The following GFUS variants were observed in gnomAD, a reference collection of about 807,000 sequenced individuals.
GFUS encodes GDP-L-fucose synthase, also known as 3-5 epimerase/4-reductase.
In GFUS, 42 loss-of-function variants were observed where a neutral mutation model predicts 41.5. The ratio of observed to expected loss-of-function variants is 1.01; its 90% confidence interval spans 0.79 to 1.31. The LOEUF (loss-of-function observed/expected upper bound fraction) is 1.31. Ranked by LOEUF, GFUS falls within the 50% of genes most tolerant of loss-of-function variation. GFUS has a pLI of 0.00. For missense variants in GFUS, 437 were observed against 428.7 expected, an observed-to-expected ratio of 1.02 and a Z score of -0.17; for synonymous variants, 188 against 173.4, an observed-to-expected ratio of 1.08 and a Z score of -0.66.
chr8:143,613,760 T>A lies in GFUS; in HGVS notation c.721A>T (p.Ile241Phe), dbSNP rs888855876. Residue 241 changes from isoleucine to phenylalanine, a missense_variant, in exon 8 of 11, where the codon ATC becomes TTC. By Grantham distance (21) the Ile-to-Phe change is conservative (BLOSUM62 0). Coordinates refer to ENST00000425753, the MANE Select transcript of GFUS (RefSeq NM_003313.4). The stretch of plus-strand genomic sequence containing the variant: ...GGGCTGAGGTACCCACCGGAGAGGA[T>A]GATGGGCTCCACTTCATTGTACTCC... ...LREYNEVEPI[I>F]LSVGEEDEVS... is the part of the protein sequence containing the mutation. 17 of 1,550,788 alleles carry A rather than the reference T, an allele frequency of 1.1e-5. No individual in the cohort carries two copies. The highest frequency in any genetic ancestry group is 1.5e-5 in the Non-Finnish European group (17 of 1,147,000).
At chr8:143,615,733 A>G (rs1291571919) in intron 3 of GFUS, among the ~76,000 whole-genome samples, 1 of 152,158 alleles carries the variant, frequency 6.6e-6, no homozygotes, top group Non-Finnish European at 1.5e-5. Flanking sequence ...GGGCCCGGCT[A>G]AGGGGAGCTG....
In GFUS at chr8:143,614,223, C is replaced by G; in HGVS notation, c.604G>C (p.Gly202Arg). 1 of 1,613,736 alleles carries G rather than the reference C, an allele frequency of 6.2e-7. No homozygotes were observed. The highest frequency in any genetic ancestry group is 8.5e-7 in the Non-Finnish European group (1 of 1,180,024). The change falls in exon 7 of 11, where the codon GGC becomes CGC. Residue 202 changes from glycine (G) to arginine (R), a missense_variant. Gly to Arg is a moderately radical substitution (Grantham distance 125). Transcript: ENST00000425753. Reference sequence around the variant, plus strand: ...GTACCCCACACCGTCAGGGCCGAGCCGCTGCCTGCAGATTTGGGGAAGGAG... The same window carrying G: ...GTACCCCACACCGTCAGGGCCGAGCGGCTGCCTGCAGATTTGGGGAAGGAG... ...IHKVHLAKSS[G>R]SALTVWGTGN...
chr8:143,616,387 G>T, intron 2 of GFUS, 167 bp from the exon 3 acceptor site: 1 of 1,168,426 alleles, frequency 8.6e-7, no homozygotes, highest in Non-Finnish European at 1.3e-6. Context: ...AGAGATGGGA[G>T]GGTGTTTGTT....
chr8:143,614,964 GCC>G, intron 3 of GFUS, 49 bp from the exon 4 acceptor site: 1 of 1,550,860 alleles, frequency 6.4e-7, no homozygotes, highest in Middle Eastern at 1.8e-4. Flanking sequence ...CCAGATCCCA[GCC>G]CTTACCTGCT....
chr8:143,616,835 C>T lies in GFUS; in HGVS notation c.-11-112G>A, dbSNP rs980404199. 4.0e-5 allele frequency: 54 copies of T among 1,336,488 alleles called. No homozygotes were observed. The East Asian group carries it at 1.2e-3, about 30-fold the overall frequency. 82.8% of individuals were successfully genotyped at this position (1,336,488 alleles called of 1,614,324 possible). A position where few individuals can be genotyped will look rare whatever the true frequency, so the allele number is the denominator to read the frequency against. On this transcript the variant is annotated intron_variant, in intron 1 of 10. Coordinates refer to ENST00000425753, the MANE Select transcript of GFUS (RefSeq NM_003313.4). ...GGCCCTCAGAGTGGGGCATAGTCCA[C>T]TGGCAACCAGAAAGACCCAGCTGGA...
At position 143,614,320 on chromosome 8, in the gene GFUS, T is replaced by C. The variant is rs757392787; in HGVS notation, c.598A>G (p.Ser200Gly). The C allele has an allele frequency of 2.5e-6, 4 of 1,613,550 alleles. No individual in the cohort carries two copies. Among genetic ancestry groups the C allele is most frequent in the Non-Finnish European group, 3.4e-6 (4 of 1,179,798 alleles). ...GLIHKVHLAK[S>G]SGSALTVWGT... ...CACCCCATCGGACGGACGCACTCAC[T>C]CTTGGCCAGGTGCACCTTGTGGATG... Residue 200 changes from serine to glycine, a missense_variant and splice_region_variant, in exon 6 of 11, where the codon AGC becomes GGC. By Grantham distance (56) the Ser-to-Gly change is moderately conservative. Transcript: ENST00000425753.
At position 143,614,466 on chromosome 8, in the gene GFUS, A is replaced by G. The variant is rs1444113482; in HGVS notation, c.465-13T>C. 3 of 1,605,736 alleles carry G rather than the reference A, an allele frequency of 1.9e-6. No individual in the cohort carries two copies. The highest frequency in any genetic ancestry group is 2.6e-6 in the Non-Finnish European group (3 of 1,174,422). On this transcript the variant is annotated splice_polypyrimidine_tract_variant and intron_variant, in intron 5 of 10. Coordinates refer to ENST00000425753, the MANE Select transcript of GFUS (RefSeq NM_003313.4). ...CTGGAAGTAGGCCCTGCGGAGGCACAGCGTCTCCTGCCCTCGTCCTGGGCC... is the reference window on the plus strand; with the variant it reads ...CTGGAAGTAGGCCCTGCGGAGGCACGGCGTCTCCTGCCCTCGTCCTGGGCC...
rs1427374637 is a variant in GFUS at position 143,612,745 on chromosome 8, A to G, written c.*165T>C. ...GGGACCCTGGTTTCCCTGAGGACCA[A>G]CGTGAATGGGGGCCCCACTGGAAAG... is the stretch of plus-strand genomic sequence containing the variant. On this transcript the variant is annotated 3_prime_UTR_variant, in exon 11 of 11. Coordinates refer to ENST00000425753, the MANE Select transcript of GFUS (RefSeq NM_003313.4). 4 of 836,428 alleles carry G rather than the reference A, an allele frequency of 4.8e-6. No individual in the cohort carries two copies. The highest frequency in any genetic ancestry group is 1.7e-5 in the African/African-American group (1 of 58,928). The allele number at this position is 836,428 out of a possible 1,614,324, so 51.8% of individuals were successfully genotyped here. A position where few individuals can be genotyped will look rare whatever the true frequency, so the allele number is the denominator to read the frequency against.
In GFUS at chr8:143,613,735, G is replaced by A; in HGVS notation, c.730+16C>T. 2 of 1,552,600 alleles carry A rather than the reference G, an allele frequency of 1.3e-6. No homozygotes were observed. On this transcript the variant is annotated intron_variant, in intron 8 of 10. Transcript: ENST00000425753. Reference sequence around the variant, plus strand: ...TCCTACCATGGAGGAAGGGGGCTGAGGGCTGAGGTACCCACCGGAGAGGAT... The same window carrying A: ...TCCTACCATGGAGGAAGGGGGCTGAAGGCTGAGGTACCCACCGGAGAGGAT...
Position 143,616,690 on chromosome 8 carries a change from A to G in GFUS, c.23T>C (p.Met8Thr). 3.7e-6 allele frequency: 6 copies of G among 1,613,530 alleles called. No individual in the cohort carries two copies. Among genetic ancestry groups the G allele is most frequent in the Non-Finnish European group, 5.1e-6 (6 of 1,179,950 alleles). Residue 8 changes from methionine to threonine, a missense_variant, in exon 2 of 11, where the codon ATG (methionine) becomes ACG (threonine). Transcript: ENST00000425753. ...AGAGCCCCCTGTCACTAGAATCCGCATGGATCCCTGGGGTTCACCCATGTC... is the reference window on the plus strand; with the variant it reads ...AGAGCCCCCTGTCACTAGAATCCGCGTGGATCCCTGGGGTTCACCCATGTC... The part of the protein sequence containing the change: MGEPQGS[M>T]RILVTGGSGL...
Position 143,612,789 on chromosome 8 carries a change from C to A in GFUS, c.*121G>T. ...TGGAAAGATGCTTGGGGCTGCAGAG[C>A]GGATGGAATGCAGGCCCAGGTTGCT... On this transcript the variant is annotated 3_prime_UTR_variant, in exon 11 of 11. Coordinates refer to ENST00000425753, the MANE Select transcript of GFUS (RefSeq NM_003313.4). 2 of 1,230,654 alleles carry A rather than the reference C, an allele frequency of 1.6e-6. No homozygotes were observed. The highest frequency in any genetic ancestry group is 2.3e-6 in the Non-Finnish European group (2 of 879,448). The allele number at this position is 1,230,654 out of a possible 1,614,324, so 76.2% of individuals were successfully genotyped here.
intron 3 of GFUS, among the ~76,000 whole-genome samples, chr8:143,615,364 G>A (rs766868128): frequency 1.2e-4 from 19 of 152,166 alleles, no homozygotes; most frequent in Non-Finnish European, 2.4e-4. Context: ...GGTCCACCCC[G>A]CGGGCCCCAC....
chr8:143,617,332 C>T, intron 1 of GFUS, 142 bp downstream of exon 1: 1 of 154,490 alleles, frequency 6.5e-6, no homozygotes, highest in Non-Finnish European at 1.4e-5. Flanking sequence ...CCCAAGCACG[C>T]GGGGAGACCT....
chr8:143,614,933 G>C lies in GFUS; in HGVS notation c.262-18C>G. 1 of 1,585,550 alleles carries C rather than the reference G, an allele frequency of 6.3e-7. No individual in the cohort carries two copies. Among genetic ancestry groups the C allele is most frequent in the Non-Finnish European group, 8.6e-7 (1 of 1,163,330 alleles). On this transcript the variant is annotated intron_variant, in intron 3 of 10. Transcript: ENST00000425753. ...TTTTTCCTCTGCAGGGGTGAGGCGG[G>C]GACAGTTCAGGCTCCCCAGGCCAGA...
rs761628537 is a variant in GFUS at position 143,616,596 on chromosome 8, C to T, written c.117G>A (p.Val39=). The change falls in exon 2 of 11, where the codon GTG becomes GTA. Residue 39 remains valine (V), a synonymous_variant. Transcript: ENST00000425753. The part of the protein sequence containing the change: ...DGAGLPGEDW[V]FVSSKDADLT... Reference sequence around the variant, plus strand: ...GATCGGCGTCTTTAGAGGAGACAAACACCCAGTCCTCTCCAGGAAGTCCAG... The same window carrying T: ...GATCGGCGTCTTTAGAGGAGACAAATACCCAGTCCTCTCCAGGAAGTCCAG... 4.3e-6 allele frequency: 7 copies of T among 1,613,876 alleles called. No individual in the cohort carries two copies. Among genetic ancestry groups the T allele is most frequent in the Middle Eastern group, 3.3e-4 (2 of 6,062 alleles).
chr8:143,615,181 A>G (rs998097319), intron 3 of GFUS, among the ~76,000 whole-genome samples: 7 of 152,230 alleles, frequency 4.6e-5, no homozygotes, highest in African/African-American at 1.7e-4. Context: ...CCCACCCAGG[A>G]GGCTGCTGAG....
intron 2 of GFUS, 123 bp downstream of exon 2, chr8:143,616,444 G>C (rs759507959): frequency 7.4e-6 from 11 of 1,487,562 alleles, no homozygotes; most frequent in Non-Finnish European, 1.0e-5. Context: ...CAGCCACCTG[G>C]CAGGAAGGAC....
intron 3 of GFUS, 21 bp from the exon 4 acceptor site, chr8:143,614,936 C>T (rs1188541027): frequency 6.3e-6 from 10 of 1,584,458 alleles, no homozygotes; most frequent in Non-Finnish European, 8.6e-6. Flanking sequence ...GAGGCGGGGA[C>T]AGTTCAGGCT....
At chr8:143,615,939 T>TGACTG in intron 3 of GFUS, 167 bp downstream of exon 3, 1 of 594,960 alleles carries the variant, frequency 1.7e-6, no homozygotes, top group South Asian at 2.2e-5. Flanking sequence ...CAAGTGTGAG[T>TGACTG]GACTGGGGGT....
Sources: gnomAD v4.1 joint callset for allele counts (sites outside exome capture counted in the v4.1 genomes callset) on GRCh38, gnomAD v4.1.1 for gene constraint, MANE v1.5 for transcripts, NCBI Gene and HGNC (gene_info 2026-07-23, HGNC 2026-07-21) for gene names.